DLGAP1: variants seen among roughly 807,000 people sequenced by gnomAD.
DLGAP1 encodes the protein disks large-associated protein 1.
Under a neutral mutation model 90.8 loss-of-function variants are expected in DLGAP1, and 11 were observed. The ratio of observed to expected loss-of-function variants is 0.12; its 90% CI spans 0.08 to 0.20. The LOEUF (loss-of-function observed/expected upper bound fraction) is 0.20, where lower values mean the gene tolerates loss of function less well. DLGAP1 is among the 10% of genes least tolerant of loss of function. The pLI, the probability that DLGAP1 is intolerant of heterozygous loss-of-function variation, is 1.00. For synonymous variants in DLGAP1, 558 were observed against 540.7 expected (o/e 1.03, Z -0.44); for missense variants, 1,050 against 1,333.8 (o/e 0.79, Z 3.31).
At chr18:3,881,167 C>G (rs2148829519) in intron 3 of DLGAP1, among the ~76,000 whole-genome samples, 1 of 151,118 alleles carries the variant, frequency 6.6e-6, no homozygotes, top group Admixed American at 6.6e-5. Context: ...CTCTGTTGCC[C>G]AGGCTGCAGT....
chr18:4,207,460 A>G (rs919795616), intron 1 of DLGAP1, among the ~76,000 whole-genome samples: 6 of 152,226 alleles, frequency 3.9e-5, no homozygotes, highest in African/African-American at 1.4e-4. Context: ...GTGGGGACAC[A>G]GAAAAACCAT....
At chr18:4,193,576 T>C (rs2077440261) in intron 1 of DLGAP1, among the ~76,000 whole-genome samples, 1 of 152,162 alleles carries the variant, frequency 6.6e-6, no homozygotes, top group African/African-American at 2.4e-5. Flanking sequence ...AATGAAACAA[T>C]TTTGTAGTTT....
intron 7 of DLGAP1, among the ~76,000 whole-genome samples, chr18:3,637,825 T>A (rs2058773163): frequency 6.6e-6 from 1 of 151,906 alleles, no homozygotes; most frequent in South Asian, 2.1e-4. Flanking sequence ...CTTATCCAAT[T>A]CCAAATATAT....
chr18:3,826,727 T>G (rs998997371), intron 4 of DLGAP1, among the ~76,000 whole-genome samples: 3 of 151,880 alleles, frequency 2.0e-5, no homozygotes, highest in Non-Finnish European at 4.4e-5. Context: ...GAGATGGGAG[T>G]AGAATGGAGG....
At chr18:3,609,156 T>TCCTCAGCCTCTCCTG (rs146206684) in intron 7 of DLGAP1, among the ~76,000 whole-genome samples, 46,999 of 151,810 alleles carry the variant, frequency 0.31, 7,591 homozygotes, top group Non-Finnish European at 0.34. Context: ...CCTTGCAGTG[T>TCCTCAGCCTCTCCTG]CCTCAGCCTC....
intron 3 of DLGAP1, among the ~76,000 whole-genome samples, chr18:3,978,868 G>A (rs1467718797): frequency 6.6e-6 from 1 of 152,098 alleles, no homozygotes; most frequent in African/African-American, 2.4e-5. Context: ...CAGAGGAGGG[G>A]GAACAGTATT....
chr18:3,943,096 T>G lies in DLGAP1; in HGVS notation c.-73+62020A>C, dbSNP rs71358032. ...GTTACCATTTTCTTTGTGCTCTCCA[T>G]TCGGTTCTCTATTTCACATGTCTTT... On this transcript the variant is annotated intron_variant, in intron 3 of 12. Transcript: ENST00000315677. Among the ~76,000 whole-genome samples the G allele has an allele frequency of 1.4e-3, 220 of 152,308 alleles. 2 individuals are homozygous for G. Among genetic ancestry groups the G allele is most frequent in the Middle Eastern group, 3.4e-3 (1 of 294 alleles).
At chr18:4,262,470 C>A (rs376361998) in intron 1 of DLGAP1, among the ~76,000 whole-genome samples, 2 of 152,194 alleles carry the variant, frequency 1.3e-5, no homozygotes, top group East Asian at 1.9e-4. Flanking sequence ...GGCCACACTG[C>A]GGGACAAATA....
At chr18:4,332,911 G>A (rs1244199263) in intron 1 of DLGAP1, among the ~76,000 whole-genome samples, 2 of 151,694 alleles carry the variant, frequency 1.3e-5, no homozygotes, top group East Asian at 1.9e-4. Flanking sequence ...TTAAAAAATC[G>A]AGTTTAAAAC....
chr18:3,902,711 A>T (rs1329512510), intron 3 of DLGAP1, among the ~76,000 whole-genome samples: 2 of 152,196 alleles, frequency 1.3e-5, no homozygotes, highest in Non-Finnish European at 1.5e-5. Flanking sequence ...AAACTAAAAG[A>T]CATTTTAGTT....
intron 4 of DLGAP1, among the ~76,000 whole-genome samples, chr18:3,867,006 C>T (rs554674924): frequency 2.8e-4 from 42 of 152,274 alleles, no homozygotes; most frequent in African/African-American, 9.4e-4. Flanking sequence ...CACATGCCAC[C>T]ACACCCGGCT....
chr18:4,108,635 T>C (rs891119423), intron 2 of DLGAP1, among the ~76,000 whole-genome samples: 1 of 151,964 alleles, frequency 6.6e-6, no homozygotes, highest in Non-Finnish European at 1.5e-5. Flanking sequence ...CAAAACAAGA[T>C]TGGAAATGAC....
intron 2 of DLGAP1, among the ~76,000 whole-genome samples, chr18:4,135,790 C>CT (rs58513784): frequency 0.13 from 16,500 of 127,260 alleles, 1,298 homozygotes; most frequent in East Asian, 0.19. Flanking sequence ...GAATCTGATT[C>CT]TTTTTTTTTT....
At position 3,632,529 on chromosome 18, in the gene DLGAP1, C is replaced by T. The variant is rs1242359998; in HGVS notation, c.1592-50281G>A. 2.0e-5 allele frequency among the ~76,000 whole-genome samples: 3 copies of T among 152,156 alleles called. No homozygotes were observed. In the East Asian group the frequency reaches 5.8e-4, roughly 29 times the overall value. On this transcript the variant is annotated intron_variant, in intron 7 of 12. Transcript: ENST00000315677. Reference sequence around the variant, plus strand: ...TGTTGGCCAGGCTGGTCTTGAACTCCTGACCTCAGGTGATCTGCCTGCCTC... The same window carrying T: ...TGTTGGCCAGGCTGGTCTTGAACTCTTGACCTCAGGTGATCTGCCTGCCTC...
intron 2 of DLGAP1, among the ~76,000 whole-genome samples, chr18:4,052,214 G>T (rs1384205791): frequency 6.6e-6 from 1 of 152,224 alleles, no homozygotes; most frequent in Admixed American, 6.5e-5. Flanking sequence ...ACTCTGTGGG[G>T]ACTCTAACCC....
chr18:3,859,392 T>C (rs1443404470), intron 4 of DLGAP1, among the ~76,000 whole-genome samples: 1 of 152,210 alleles, frequency 6.6e-6, no homozygotes, highest in African/African-American at 2.4e-5. Context: ...GTAGATTCTG[T>C]AGTAGGCAGA....
intron 5 of DLGAP1, among the ~76,000 whole-genome samples, chr18:3,811,483 G>A (rs1421214219): frequency 6.6e-6 from 1 of 152,176 alleles, no homozygotes; most frequent in Non-Finnish European, 1.5e-5. Context: ...AAATGGTGTG[G>A]GGAAACTCCA....
At chr18:3,957,024 A>G (rs1440023919) in intron 3 of DLGAP1, among the ~76,000 whole-genome samples, 1 of 152,200 alleles carries the variant, frequency 6.6e-6, no homozygotes, top group Non-Finnish European at 1.5e-5. Flanking sequence ...CCCCCAAGAC[A>G]TTCATGTTCT....
chr18:3,580,359 C>G (rs1367807565), intron 8 of DLGAP1: 2 of 1,613,910 alleles, frequency 1.2e-6, no homozygotes, highest in Admixed American at 1.7e-5. Context: ...GCCACAGACT[C>G]GGGGCTCGAA....
Sources: gnomAD v4.1 joint callset for allele counts (sites outside exome capture counted in the v4.1 genomes callset) on GRCh38, gnomAD v4.1.1 for gene constraint, MANE v1.5 for transcripts, NCBI Gene and HGNC (gene_info 2026-07-23, HGNC 2026-07-21) for gene names.